Variants in XKR6 observed in about 807,000 individuals in gnomAD.
XKR6 encodes XK related 6, also known as XK-related protein 6.
XKR6 carries 22 observed loss-of-function variants against 56.7 expected under a neutral mutation model. The ratio of observed to expected loss-of-function variants is 0.39; its 90% CI spans 0.28 to 0.55. XKR6 has a LOEUF of 0.55. Among genes scored for constraint, XKR6 ranks in the 20% least tolerant of loss-of-function variants. The probability of loss-of-function intolerance (pLI) is 0.66; values close to 1 mark genes in which losing one functional copy is unlikely to be tolerated. For synonymous variants in XKR6, 524 were observed against 387.8 expected, an observed-to-expected ratio of 1.35 and a Z score of -4.13; for missense variants, 852 against 889.0, an observed-to-expected ratio of 0.96 and a Z score of 0.53.
intron 1 of XKR6, among the ~76,000 whole-genome samples, chr8:11,132,862 A>G (rs1204496779): frequency 2.8e-5 from 1 of 36,212 alleles, no homozygotes; most frequent in Non-Finnish European, 6.2e-5. Flanking sequence ...ATGATGTGTG[A>G]AAAAAAAAAA....
At chr8:10,925,545 C>T (rs1056558378) in intron 1 of XKR6, among the ~76,000 whole-genome samples, 2 of 152,178 alleles carry the variant, frequency 1.3e-5, no homozygotes, top group African/African-American at 2.4e-5. Context: ...CCGCTGCCCG[C>T]CCTCTCAGGA....
chr8:11,131,148 T>C (rs1586589588), intron 1 of XKR6, among the ~76,000 whole-genome samples: 1 of 152,202 alleles, frequency 6.6e-6, no homozygotes, highest in South Asian at 2.1e-4. Context: ...TGGCACTGTA[T>C]TGAATTCAGC....
chr8:10,926,258 C>T (rs768746139), intron 1 of XKR6, among the ~76,000 whole-genome samples: 2 of 152,194 alleles, frequency 1.3e-5, no homozygotes, highest in Non-Finnish European at 2.9e-5. Flanking sequence ...TGGAGGGATG[C>T]TGGAGTCTCC....
At chr8:10,922,494 G>C (rs1196140816) in intron 2 of XKR6, among the ~76,000 whole-genome samples, 2 of 152,234 alleles carry the variant, frequency 1.3e-5, no homozygotes, top group Admixed American at 6.5e-5. Flanking sequence ...TCTAGAGCAA[G>C]AATGCGCATT....
rs1372967090 is a variant in XKR6 at position 11,174,809 on chromosome 8, C to A, written c.764+25767G>T. Among the ~76,000 whole-genome samples, 2 of 152,138 alleles carry A rather than the reference C, an allele frequency of 1.3e-5. 1 individual carries two copies. Among genetic ancestry groups the A allele is most frequent in the Non-Finnish European group, 2.9e-5 (2 of 68,028 alleles). ...GCTTCTCATTATCTCATCCACAGCA[C>A]CAGAGAAGCACAAGAGAACGGATGA... On this transcript the variant is annotated intron_variant, in intron 1 of 2. Transcript: ENST00000416569.
At chr8:10,913,893 C>A (rs971226491) in intron 2 of XKR6, among the ~76,000 whole-genome samples, 12 of 152,146 alleles carry the variant, frequency 7.9e-5, no homozygotes, top group African/African-American at 2.9e-4. Flanking sequence ...GGAGGACCTG[C>A]GACGGGGGCC....
intron 1 of XKR6, among the ~76,000 whole-genome samples, chr8:11,184,720 C>G (rs965896782): frequency 1.3e-5 from 2 of 151,896 alleles, no homozygotes; most frequent in Admixed American, 1.3e-4. Flanking sequence ...TTTGTAGATA[C>G]GGGAATTCAC....
At chr8:11,018,714 CAA>C (rs1405166893) in intron 1 of XKR6, among the ~76,000 whole-genome samples, 2 of 152,126 alleles carry the variant, frequency 1.3e-5, no homozygotes, top group African/African-American at 2.4e-5. Context: ...CACAGAACAC[CAA>C]AAGATTCTTC....
intron 1 of XKR6, among the ~76,000 whole-genome samples, chr8:10,968,011 C>A (rs1802280826): frequency 6.6e-6 from 1 of 152,210 alleles, no homozygotes. Context: ...GCCCTCCGGG[C>A]TCAGGGGCCA....
intron 1 of XKR6, among the ~76,000 whole-genome samples, chr8:11,152,735 G>A (rs1801328207): frequency 6.6e-6 from 1 of 152,218 alleles, no homozygotes; most frequent in South Asian, 2.1e-4. Flanking sequence ...GAAATGACAT[G>A]TTGATCCTCA....
At chr8:11,012,107 A>C (rs1798513472) in intron 1 of XKR6, among the ~76,000 whole-genome samples, 1 of 152,226 alleles carries the variant, frequency 6.6e-6, no homozygotes, top group South Asian at 2.1e-4. Context: ...CCATCTAAGC[A>C]GATGGAGGAG....
rs1554454135 is a variant in XKR6 at position 11,086,149 on chromosome 8, T to TATATATATATATATA, written c.764+114426_764+114427insTATATATATATATAT. On this transcript the variant is annotated intron_variant, in intron 1 of 2. Transcript: ENST00000416569. ...TAAAAAGAAAATATATATATATATA[T>TATATATATATATATA]TTTTTTTTAAAAAAAACAAGCATAA... Among the ~76,000 whole-genome samples, 60 of 100,760 alleles carry TATATATATATATATA rather than the reference T, an allele frequency of 6.0e-4. 1 individual carries two copies. Among genetic ancestry groups the TATATATATATATATA allele is most frequent in the African/African-American group, 1.9e-3 (55 of 28,900 alleles). 66.1% of individuals were successfully genotyped at this position (100,760 alleles called of 152,430 possible).
At chr8:11,053,289 T>C (rs1799600848) in intron 1 of XKR6, among the ~76,000 whole-genome samples, 1 of 152,172 alleles carries the variant, frequency 6.6e-6, no homozygotes, top group Admixed American at 6.5e-5. Context: ...CCAAAGTCTC[T>C]AAAGTCTCTG....
chr8:11,079,165 G>C (rs780269950), intron 1 of XKR6, among the ~76,000 whole-genome samples: 1 of 152,228 alleles, frequency 6.6e-6, no homozygotes, highest in Non-Finnish European at 1.5e-5. Context: ...CCATGAAAAA[G>C]TGGCCTCTGG....
At chr8:10,984,398 A>G (rs1427480058) in intron 1 of XKR6, among the ~76,000 whole-genome samples, 1 of 152,198 alleles carries the variant, frequency 6.6e-6, no homozygotes, top group African/African-American at 2.4e-5. Flanking sequence ...AGGAACGTCT[A>G]TTATCAATAC....
intron 2 of XKR6, among the ~76,000 whole-genome samples, chr8:10,920,092 A>G (rs116340401): frequency 0.021 from 3,141 of 152,278 alleles, 110 homozygotes; most frequent in African/African-American, 0.073. Context: ...TGGCAAATCC[A>G]TGCAAAACTC....
intron 2 of XKR6, among the ~76,000 whole-genome samples, chr8:10,905,492 T>C (rs1322113126): frequency 2.0e-5 from 3 of 152,218 alleles, no homozygotes; most frequent in Non-Finnish European, 4.4e-5. Flanking sequence ...TGAAGAGACG[T>C]GGATGTGGCC....
At chr8:11,064,942 A>C (rs1350673176) in intron 1 of XKR6, among the ~76,000 whole-genome samples, 1 of 152,232 alleles carries the variant, frequency 6.6e-6, no homozygotes, top group Non-Finnish European at 1.5e-5. Context: ...TAGAAAGCAT[A>C]CTGTACTTGT....
At chr8:11,079,008 G>C (rs941989780) in intron 1 of XKR6, among the ~76,000 whole-genome samples, 12 of 152,370 alleles carry the variant, frequency 7.9e-5, no homozygotes, top group Admixed American at 6.5e-4. Context: ...GAAGGAGCAA[G>C]ACTAGAGGAA....
Sources: gnomAD v4.1 joint callset for allele counts (sites outside exome capture counted in the v4.1 genomes callset) on GRCh38, gnomAD v4.1.1 for gene constraint, MANE v1.5 for transcripts, NCBI Gene and HGNC (gene_info 2026-07-23, HGNC 2026-07-21) for gene names.